The following CERS6 variants were observed in gnomAD, a reference collection of about 807,000 sequenced individuals.
CERS6 encodes the protein LAG1 homolog, ceramide synthase 6.
In CERS6, 26 loss-of-function variants were observed where a neutral mutation model predicts 56.8. The observed-to-expected ratio is 0.46, with a 90% CI of 0.34 to 0.63. The LOEUF (loss-of-function observed/expected upper bound fraction) is 0.63, where lower values mean the gene tolerates loss of function less well. Ranked by LOEUF, CERS6 falls within the 30% of genes least tolerant of loss-of-function variation. The pLI is 0.01. For missense variants in CERS6, 415 were observed against 467.5 expected, an observed-to-expected ratio of 0.89 and a Z score of 1.04; for synonymous variants, 164 against 173.3, an observed-to-expected ratio of 0.95 and a Z score of 0.42.
chr2:168,620,010 TCC>T (rs1491502785), intron 3 of CERS6, among the ~76,000 whole-genome samples: 17 of 31,586 alleles, frequency 5.4e-4, no homozygotes, highest in Middle Eastern at 0.031. Context: ...GGTTCCACAA[TCC>T]ATACACACAC....
At chr2:168,692,308 A>G (rs1288188211) in intron 5 of CERS6, among the ~76,000 whole-genome samples, 1 of 152,210 alleles carries the variant, frequency 6.6e-6, no homozygotes, top group African/African-American at 2.4e-5. Context: ...CTGTAATGGT[A>G]TAGTGAGTAG....
chr2:168,669,024 C>T (rs566772558), intron 4 of CERS6, among the ~76,000 whole-genome samples: 1 of 152,218 alleles, frequency 6.6e-6, no homozygotes, highest in African/African-American at 2.4e-5. Flanking sequence ...CTCTCTAGTA[C>T]ATTAGTTAGG....
At chr2:168,556,040 A>G (rs1317636256) in intron 2 of CERS6, among the ~76,000 whole-genome samples, 2 of 152,200 alleles carry the variant, frequency 1.3e-5, no homozygotes, top group South Asian at 2.1e-4. Context: ...TGACATGGTT[A>G]CTATAGTCAA....
chr2:168,496,542 A>G (rs1287423928), intron 1 of CERS6, among the ~76,000 whole-genome samples: 2 of 152,178 alleles, frequency 1.3e-5, no homozygotes, highest in African/African-American at 2.4e-5. Flanking sequence ...GGACACCCGC[A>G]CACAGAGTTC....
chr2:168,679,648 G>T (rs954518454), intron 4 of CERS6, among the ~76,000 whole-genome samples: 1 of 152,114 alleles, frequency 6.6e-6, no homozygotes, highest in Non-Finnish European at 1.5e-5. Context: ...TTAGTACCTC[G>T]CTCACACACA....
chr2:168,593,722 G>C (rs1240418726), intron 3 of CERS6, among the ~76,000 whole-genome samples: 4 of 152,078 alleles, frequency 2.6e-5, no homozygotes. Flanking sequence ...TTTATAAAAC[G>C]TCTTAACTTT....
At chr2:168,737,371 T>G (rs182386597) in intron 8 of CERS6, among the ~76,000 whole-genome samples, 9 of 152,344 alleles carry the variant, frequency 5.9e-5, no homozygotes. Context: ...TTCTCTAATG[T>G]GTAAGGAAAA....
intron 1 of CERS6, among the ~76,000 whole-genome samples, chr2:168,500,257 G>C (rs1694556030): frequency 6.6e-6 from 1 of 152,168 alleles, no homozygotes; most frequent in South Asian, 2.1e-4. Flanking sequence ...TGTCTACCCA[G>C]TAGTTCATAG....
chr2:168,520,512 T>A (rs1487624082), intron 1 of CERS6, among the ~76,000 whole-genome samples: 1 of 151,704 alleles, frequency 6.6e-6, no homozygotes, highest in African/African-American at 2.4e-5. Flanking sequence ...CCTGGACCAA[T>A]GTCTTAGAAG....
chr2:168,635,292 G>T (rs1288614712), intron 4 of CERS6, among the ~76,000 whole-genome samples: 1 of 152,320 alleles, frequency 6.6e-6, no homozygotes, highest in Non-Finnish European at 1.5e-5. Context: ...GAGGGAGCAT[G>T]AGGGGCTTGG....
intron 8 of CERS6, among the ~76,000 whole-genome samples, chr2:168,748,116 T>C (rs1200678915): frequency 6.6e-6 from 1 of 152,226 alleles, no homozygotes; most frequent in Admixed American, 6.5e-5. Context: ...AGATGCCACC[T>C]AACCTTCTGA....
At chr2:168,538,903 GTATTT>G (rs1473970982) in intron 1 of CERS6, among the ~76,000 whole-genome samples, 1 of 152,116 alleles carries the variant, frequency 6.6e-6, no homozygotes, top group Non-Finnish European at 1.5e-5. Flanking sequence ...CGTATCACAA[GTATTT>G]TAACAATACC....
intron 8 of CERS6, among the ~76,000 whole-genome samples, chr2:168,742,986 T>C (rs1683963487): frequency 6.6e-6 from 1 of 152,182 alleles, no homozygotes; most frequent in African/African-American, 2.4e-5. Flanking sequence ...TGGTTGCTTA[T>C]TTGGAATTTC....
chr2:168,468,693 A>G (rs1693925202), intron 1 of CERS6, among the ~76,000 whole-genome samples: 1 of 152,140 alleles, frequency 6.6e-6, no homozygotes, highest in Admixed American at 6.5e-5. Context: ...ATAGACATTT[A>G]CCATAGACCT....
At chr2:168,759,471 A>C (rs138681539) in intron 8 of CERS6, among the ~76,000 whole-genome samples, 7 of 152,320 alleles carry the variant, frequency 4.6e-5, no homozygotes, top group Admixed American at 4.6e-4. Context: ...TTCTGCCTCT[A>C]TACTCTCCAT....
intron 4 of CERS6, among the ~76,000 whole-genome samples, chr2:168,680,360 A>T (rs926258903): frequency 6.6e-6 from 1 of 152,252 alleles, no homozygotes. Context: ...AACTTTTTTC[A>T]TCTGGAGAAT....
At chr2:168,746,801 A>G (rs1266431102) in intron 8 of CERS6, among the ~76,000 whole-genome samples, 21 of 109,040 alleles carry the variant, frequency 1.9e-4, no homozygotes, top group African/African-American at 6.9e-4. Flanking sequence ...ATATATATAT[A>G]TATATATATA....
At chr2:168,596,354 T>C (rs1683797192) in intron 3 of CERS6, among the ~76,000 whole-genome samples, 1 of 151,862 alleles carries the variant, frequency 6.6e-6, no homozygotes, top group African/African-American at 2.4e-5. Context: ...GGGGAGGGGT[T>C]GTTGTCTTCT....
chr2:168,638,281 C>A (rs139059869), intron 4 of CERS6, among the ~76,000 whole-genome samples: 85 of 152,130 alleles, frequency 5.6e-4, no homozygotes, highest in African/African-American at 1.9e-3. Flanking sequence ...ACAATTTTTT[C>A]TCTCCTTCTA....
Sources: gnomAD v4.1 joint callset for allele counts (sites outside exome capture counted in the v4.1 genomes callset) on GRCh38, gnomAD v4.1.1 for gene constraint, MANE v1.5 for transcripts, NCBI Gene and HGNC (gene_info 2026-07-23, HGNC 2026-07-21) for gene names.